Variants in CBFB observed in about 807,000 individuals in gnomAD.
The protein encoded by CBFB is core-binding factor subunit beta, also known as CBF-beta.
A neutral mutation model predicts 30.4 loss-of-function variants in CBFB; 9 were observed. The ratio of observed to expected loss-of-function variants is 0.30; its 90% CI spans 0.18 to 0.52. The LOEUF is 0.52. Among genes scored for constraint, CBFB ranks in the 20% least tolerant of loss-of-function variants. CBFB has a pLI of 0.97. For synonymous variants in CBFB, 94 were observed against 84.0 expected, an observed-to-expected ratio of 1.12 and a Z score of -0.65; for missense variants, 170 against 244.0, an observed-to-expected ratio of 0.70 and a Z score of 2.02.
At chr16:67,068,192 A>G (rs1426188960) in intron 4 of CBFB, among the ~76,000 whole-genome samples, 2 of 152,214 alleles carry the variant, frequency 1.3e-5, no homozygotes, top group Admixed American at 6.5e-5. Flanking sequence ...AGACTTAAAA[A>G]AGACAGCTGT....
rs1567629297 is a variant in CBFB at position 67,100,492 on chromosome 16, GTTGGTT to G, written c.*1720_*1725del. ...ACTATAAGTACTATGAATGAATTTG[GTTGGTT>G]TTGGTGTTGTACAGCTCACATGTTT... On this transcript the variant is annotated 3_prime_UTR_variant, in exon 6 of 6. Transcript: ENST00000412916. 8.8e-6 allele frequency: 2 copies of G among 228,118 alleles called. No homozygotes were observed. Among genetic ancestry groups the G allele is most frequent in the African/African-American group, 2.2e-5 (1 of 45,036 alleles). The allele number at this position is 228,118 out of a possible 1,614,324, so 14.1% of individuals were successfully genotyped here.
chr16:67,035,834 A>G (rs1354711050), intron 2 of CBFB, among the ~76,000 whole-genome samples: 1 of 152,122 alleles, frequency 6.6e-6, no homozygotes, highest in Non-Finnish European at 1.5e-5. Flanking sequence ...TTTTTTCTTA[A>G]TTTCCTTTGG....
intron 3 of CBFB, among the ~76,000 whole-genome samples, chr16:67,038,396 A>G (rs979634414): frequency 3.3e-5 from 5 of 151,796 alleles, no homozygotes; most frequent in Non-Finnish European, 5.9e-5. Context: ...ATATATATGT[A>G]TATATAAAAT....
intron 3 of CBFB, among the ~76,000 whole-genome samples, chr16:67,051,206 G>A (rs573775217): frequency 6.6e-6 from 1 of 152,148 alleles, no homozygotes; most frequent in East Asian, 1.9e-4. Flanking sequence ...TACATTTTAG[G>A]AATAATAATA....
chr16:67,054,242 G>A (rs912234341), intron 3 of CBFB, among the ~76,000 whole-genome samples: 11 of 151,880 alleles, frequency 7.2e-5, no homozygotes, highest in African/African-American at 2.2e-4. Context: ...TTTATTCTAC[G>A]ATACTTTATT....
chr16:67,051,968 AAT>A (rs758211111), intron 3 of CBFB, among the ~76,000 whole-genome samples: 6 of 150,084 alleles, frequency 4.0e-5, no homozygotes, highest in East Asian at 1.9e-4. Flanking sequence ...TAGCAATAGG[AAT>A]ATATATATAT....
In CBFB at chr16:67,069,324, C is replaced by T. The variant is rs147124164; in HGVS notation, c.399+2526C>T. The stretch of plus-strand genomic sequence containing the variant: ...GGCAGAGGTTGCAGCAAGCCAAGAT[C>T]GCATCACTGCACTCCAGCCTGGGCG... On this transcript the variant is annotated intron_variant, in intron 4 of 5. Transcript: ENST00000412916. 7.1e-3 allele frequency among the ~76,000 whole-genome samples: 1,068 copies of T among 150,786 alleles called. 8 individuals are homozygous for T. Among genetic ancestry groups the T allele is most frequent in the Middle Eastern group, 0.01 (3 of 288 alleles).
intron 5 of CBFB, among the ~76,000 whole-genome samples, chr16:67,097,878 T>C (rs1658730448): frequency 6.6e-6 from 1 of 152,078 alleles, no homozygotes; most frequent in African/African-American, 2.4e-5. Context: ...TAATGTGCTA[T>C]GTTCGTACCT....
intron 5 of CBFB, among the ~76,000 whole-genome samples, chr16:67,091,407 G>C (rs1961875819): frequency 6.6e-6 from 1 of 152,198 alleles, no homozygotes; most frequent in Non-Finnish European, 1.5e-5. Flanking sequence ...GCCAGGCAGT[G>C]TACATTATAA....
chr16:67,082,490 A>C (rs184364401), intron 5 of CBFB, 182 bp downstream of exon 5: 107 of 590,660 alleles, frequency 1.8e-4, no homozygotes, highest in African/African-American at 1.7e-3. Flanking sequence ...ATTTATTTTA[A>C]TTTTAAAGTT....
At chr16:67,066,238 T>C (rs1266979652) in intron 3 of CBFB, among the ~76,000 whole-genome samples, 1 of 151,882 alleles carries the variant, frequency 6.6e-6, no homozygotes, top group Non-Finnish European at 1.5e-5. Flanking sequence ...TCCATCTTTC[T>C]ACCCAACATT....
intron 4 of CBFB, among the ~76,000 whole-genome samples, chr16:67,068,167 A>AC (rs34884758): frequency 1.9e-4 from 29 of 151,898 alleles, no homozygotes; most frequent in Non-Finnish European, 2.9e-4. Context: ...TCCAGGAACA[A>AC]CCCCCCAGAA....
chr16:67,091,176 C>G (rs1479954304), intron 5 of CBFB, among the ~76,000 whole-genome samples: 1 of 152,086 alleles, frequency 6.6e-6, no homozygotes, highest in East Asian at 1.9e-4. Flanking sequence ...TCTGACTTCC[C>G]CCACTACCAG....
chr16:67,068,687 A>G (rs1186303081), intron 4 of CBFB, among the ~76,000 whole-genome samples: 1 of 152,222 alleles, frequency 6.6e-6, no homozygotes, highest in African/African-American at 2.4e-5. Context: ...ATATGCAACT[A>G]TGAAAATGCA....
chr16:67,071,285 A>G (rs1961216508), intron 4 of CBFB, among the ~76,000 whole-genome samples: 2 of 152,184 alleles, frequency 1.3e-5, no homozygotes, highest in Admixed American at 6.5e-5. Flanking sequence ...CCAAATTGAT[A>G]TGTTGAAGCC....
At chr16:67,081,947 T>G (rs1483760226) in intron 4 of CBFB, 1 of 181,734 alleles carries the variant, frequency 5.5e-6, no homozygotes, top group East Asian at 1.3e-4. Flanking sequence ...GCCTCCCAAG[T>G]AGCTGGGATT....
intron 3 of CBFB, among the ~76,000 whole-genome samples, chr16:67,062,932 C>T (rs781233992): frequency 1.3e-5 from 2 of 152,030 alleles, no homozygotes; most frequent in Non-Finnish European, 2.9e-5. Context: ...GAAAAGATGT[C>T]TCCATGATTA....
chr16:67,055,343 A>C (rs764787493), intron 3 of CBFB, among the ~76,000 whole-genome samples: 1 of 144,246 alleles, frequency 6.9e-6, no homozygotes, highest in Non-Finnish European at 1.5e-5. Flanking sequence ...AATCTATTGA[A>C]TTCCAGACAC....
chr16:67,098,230 G>T (rs1026731966), intron 5 of CBFB, among the ~76,000 whole-genome samples: 3 of 152,120 alleles, frequency 2.0e-5, no homozygotes, highest in Non-Finnish European at 2.9e-5. Flanking sequence ...CCACCTCCCA[G>T]GTTCAAGGGA....
Sources: gnomAD v4.1 joint callset for allele counts (sites outside exome capture counted in the v4.1 genomes callset) on GRCh38, gnomAD v4.1.1 for gene constraint, MANE v1.5 for transcripts, NCBI Gene and HGNC (gene_info 2026-07-23, HGNC 2026-07-21) for gene names.